Variants in COL10A1 observed in about 807,000 individuals in gnomAD.
COL10A1 encodes the protein collagen type X alpha 1 chain.
COL10A1 carries 10 observed loss-of-function variants against 18.2 expected under a neutral mutation model. The observed-to-expected ratio is 0.55, with a 90% confidence interval of 0.34 to 0.93. COL10A1 has a LOEUF of 0.93. Ranked by LOEUF, COL10A1 falls within the 40% of genes least tolerant of loss-of-function variation. The pLI is 0.02. For missense variants in COL10A1, 897 were observed against 853.5 expected (o/e 1.05, Z -0.64); for synonymous variants, 330 against 316.6 (o/e 1.04, Z -0.45).
chr6:116,123,623 ATTCC>A (rs1779203716), intron 2 of COL10A1, among the ~76,000 whole-genome samples: 1 of 152,184 alleles, frequency 6.6e-6, no homozygotes, highest in South Asian at 2.1e-4. Context: ...AACTCTTTGA[ATTCC>A]TGTTTCAACT....
chr6:116,143,935 A>G (rs1779827756), intron 1 of COL10A1, among the ~76,000 whole-genome samples: 1 of 152,222 alleles, frequency 6.6e-6, no homozygotes, highest in South Asian at 2.1e-4. Context: ...ATGCTTTATA[A>G]TAAAGAACTG....
At chr6:116,166,843 C>T in the COL10A1 span, among the ~76,000 whole-genome samples, 1 of 152,062 alleles carries the variant, frequency 6.6e-6, no homozygotes, top group Non-Finnish European at 1.5e-5. Flanking sequence ...GACGAAAGGA[C>T]TGAAATTCTG....
the COL10A1 span, among the ~76,000 whole-genome samples, chr6:116,212,801 G>T: frequency 1.3e-5 from 2 of 151,996 alleles, no homozygotes. Context: ...TTTCATATTT[G>T]AACTAGATGA....
chr6:116,141,176 G>T (rs765000814), intron 1 of COL10A1, among the ~76,000 whole-genome samples: 4 of 151,870 alleles, frequency 2.6e-5, no homozygotes, highest in Non-Finnish European at 4.4e-5. Context: ...TCGAATGATG[G>T]TGAGCATTAT....
At chr6:116,149,268 T>C (rs1464891584) in intron 1 of COL10A1, among the ~76,000 whole-genome samples, 1 of 152,226 alleles carries the variant, frequency 6.6e-6, no homozygotes, top group Non-Finnish European at 1.5e-5. Flanking sequence ...ATTAAGAATT[T>C]TTAAAATAAT....
intron 1 of COL10A1, among the ~76,000 whole-genome samples, chr6:116,152,157 T>C (rs1251326768): frequency 2.0e-5 from 3 of 152,238 alleles, no homozygotes; most frequent in Non-Finnish European, 4.4e-5. Context: ...GTTTTCATTA[T>C]ACTTTCAGTA....
At chr6:116,152,119 A>G (rs1780057180) in intron 1 of COL10A1, among the ~76,000 whole-genome samples, 1 of 152,210 alleles carries the variant, frequency 6.6e-6, no homozygotes, top group Admixed American at 6.5e-5. Context: ...GTATGTCACA[A>G]TCTATTTTCA....
upstream of COL10A1, among the ~76,000 whole-genome samples, chr6:116,160,677 G>A (rs529034114): frequency 6.6e-5 from 10 of 152,148 alleles, no homozygotes; most frequent in South Asian, 1.5e-3. Flanking sequence ...TGAGGTCTTC[G>A]TCATAAATTC....
upstream of COL10A1, among the ~76,000 whole-genome samples, chr6:116,162,991 G>A (rs1470449152): frequency 6.6e-6 from 1 of 151,540 alleles, no homozygotes; most frequent in Non-Finnish European, 1.5e-5. Context: ...GCCAGGCGTG[G>A]CGGCAGGCAC....
At chr6:116,202,980 A>G in the COL10A1 span, among the ~76,000 whole-genome samples, 2 of 151,982 alleles carry the variant, frequency 1.3e-5, no homozygotes, top group African/African-American at 2.4e-5. Flanking sequence ...TTACTTTTCC[A>G]AACATGGTTT....
chr6:116,131,997 A>T (rs1386817221), intron 1 of COL10A1, among the ~76,000 whole-genome samples: 1 of 152,206 alleles, frequency 6.6e-6, no homozygotes, highest in Admixed American at 6.5e-5. Flanking sequence ...TCTGCAAAGG[A>T]CATTATCTTA....
intron 1 of COL10A1, among the ~76,000 whole-genome samples, chr6:116,153,625 C>T (rs1780108288): frequency 6.6e-6 from 1 of 152,092 alleles, no homozygotes; most frequent in Non-Finnish European, 1.5e-5. Flanking sequence ...CCTAGTTAGG[C>T]TTCAGAAATA....
chr6:116,149,691 G>A (rs1266644896), intron 1 of COL10A1, among the ~76,000 whole-genome samples: 1 of 152,226 alleles, frequency 6.6e-6, no homozygotes, highest in Non-Finnish European at 1.5e-5. Flanking sequence ...TGAACTTAGT[G>A]TTGATGCACC....
At chr6:116,148,250 G>T (rs1779947666) in intron 1 of COL10A1, among the ~76,000 whole-genome samples, 1 of 152,092 alleles carries the variant, frequency 6.6e-6, no homozygotes, top group Non-Finnish European at 1.5e-5. Context: ...ATTTTTCATT[G>T]TATGCCAGCC....
upstream of COL10A1, among the ~76,000 whole-genome samples, chr6:116,127,717 A>C (rs1779357393): frequency 6.6e-6 from 1 of 152,128 alleles, no homozygotes; most frequent in African/African-American, 2.4e-5. Flanking sequence ...TATATATTTT[A>C]ATATTTTGTG....
At chr6:116,214,773 A>C in the COL10A1 span, among the ~76,000 whole-genome samples, 1 of 152,124 alleles carries the variant, frequency 6.6e-6, no homozygotes, top group South Asian at 2.1e-4. Flanking sequence ...ATTGTGGCTA[A>C]AGAGTTATCT....
At chr6:116,167,259 C>T in the COL10A1 span, among the ~76,000 whole-genome samples, 1 of 125,602 alleles carries the variant, frequency 8.0e-6, no homozygotes, top group Admixed American at 1.0e-4. Flanking sequence ...TGTCGCCAGG[C>T]TGGAGTGCAG....
chr6:116,188,435 G>C, the COL10A1 span, among the ~76,000 whole-genome samples: 1 of 151,976 alleles, frequency 6.6e-6, no homozygotes, highest in South Asian at 2.1e-4. Flanking sequence ...TATGCAGTGT[G>C]TCATACAGTG....
chr6:116,142,992 G>A (rs1779802730), intron 1 of COL10A1, among the ~76,000 whole-genome samples: 1 of 152,076 alleles, frequency 6.6e-6, no homozygotes, highest in African/African-American at 2.4e-5. Context: ...TAAAATTATA[G>A]ACATTATGGT....
Sources: gnomAD v4.1 joint callset for allele counts (sites outside exome capture counted in the v4.1 genomes callset) on GRCh38, gnomAD v4.1.1 for gene constraint, MANE v1.5 for transcripts, NCBI Gene and HGNC (gene_info 2026-07-23, HGNC 2026-07-21) for gene names.